Variants in PC observed in about 807,000 individuals in gnomAD.
PC encodes the protein pyruvate carboxylase, mitochondrial.
A neutral mutation model predicts 107.8 loss-of-function variants in PC; 46 were observed. That is an observed-to-expected ratio of 0.43 (90% CI 0.34 to 0.55). The LOEUF is 0.55. Ranked by LOEUF, PC falls within the 20% of genes least tolerant of loss-of-function variation. The pLI is 0.04. For synonymous variants in PC, 662 were observed against 684.7 expected, an observed-to-expected ratio of 0.97 and a Z score of 0.52; for missense variants, 1,241 against 1,643.1, an observed-to-expected ratio of 0.76 and a Z score of 4.23.
chr11:66,882,842 C>T (rs915139758), intron 3 of PC, among the ~76,000 whole-genome samples: 1 of 152,190 alleles, frequency 6.6e-6, no homozygotes, highest in Non-Finnish European at 1.5e-5. Flanking sequence ...GATGAAAGAA[C>T]GACTCCACCT....
Position 66,870,212 on chromosome 11 carries a change from G to C in PC, c.903+90C>G. On this transcript the variant is annotated intron_variant, in intron 9 of 22. Transcript: ENST00000393960. This position sits in a 1 kb window ranked among gnomAD's most constrained non-coding sequence, Gnocchi z 6.1. ...TCCCCAGTCCCCAGAAGGGGACTCAGGGTCCCCTTCCCCAACCAGCGCCCC... is the reference window on the plus strand; with the variant it reads ...TCCCCAGTCCCCAGAAGGGGACTCACGGTCCCCTTCCCCAACCAGCGCCCC... The C allele has an allele frequency of 1.3e-6, 2 of 1,518,014 alleles. No individual in the cohort carries two copies. Among genetic ancestry groups the C allele is most frequent in the East Asian group, 4.5e-5 (2 of 44,220 alleles). The allele number at this position is 1,518,014 out of a possible 1,614,324, so 94.0% of individuals were successfully genotyped here.
chr11:66,923,253 T>C (rs981602585), intron 3 of PC, among the ~76,000 whole-genome samples: 4 of 151,556 alleles, frequency 2.6e-5, no homozygotes, highest in African/African-American at 9.7e-5. Context: ...TCCCAGCTAC[T>C]AGGGAGGCTG....
chr11:66,926,436 G>C lies in PC; in HGVS notation c.-1+25994C>G, dbSNP rs17147991. On this transcript the variant is annotated intron_variant, in intron 3 of 22. Transcript: ENST00000393960. ...AAGCTTATCAGACTTTGAAAGTAAG[G>C]CTTACCATTATCAATGATCACAAAA... is the stretch of plus-strand genomic sequence containing the variant. Among the ~76,000 whole-genome samples, 1,251 of 152,240 alleles carry C rather than the reference G, an allele frequency of 8.2e-3. 10 individuals are homozygous for C. The highest frequency in any genetic ancestry group is 0.016 in the South Asian group (79 of 4,824).
At chr11:66,912,859 C>T (rs1484407218) in intron 3 of PC, among the ~76,000 whole-genome samples, 1 of 152,148 alleles carries the variant, frequency 6.6e-6, no homozygotes, top group Admixed American at 6.5e-5. Flanking sequence ...CCAACAATTC[C>T]CACCACATTC....
intron 10 of PC, among the ~76,000 whole-genome samples, chr11:66,867,504 C>T (rs1396348932): frequency 6.6e-6 from 1 of 152,232 alleles, no homozygotes; most frequent in Admixed American, 6.5e-5. Context: ...CACTTCGCAG[C>T]AGAGATGACA....
chr11:66,942,787 C>T (rs147710294), intron 3 of PC, among the ~76,000 whole-genome samples: 3,312 of 151,874 alleles, frequency 0.022, 111 homozygotes, highest in African/African-American at 0.074. Context: ...CCGAGGCGGG[C>T]GGATCACCTG....
At chr11:66,920,802 T>C (rs1948575851) in intron 3 of PC, among the ~76,000 whole-genome samples, 1 of 151,892 alleles carries the variant, frequency 6.6e-6, no homozygotes, top group Admixed American at 6.6e-5. Context: ...CCCAACACTT[T>C]GGGAGGCCGA....
intron 3 of PC, among the ~76,000 whole-genome samples, chr11:66,899,805 G>A (rs939412428): frequency 1.1e-4 from 17 of 152,156 alleles, no homozygotes; most frequent in Admixed American, 3.9e-4. Flanking sequence ...GTGCTTTGGC[G>A]TCGTATCTAA....
intron 3 of PC, chr11:66,907,869 A>T (rs977314269): frequency 1.3e-5 from 2 of 152,334 alleles, no homozygotes; most frequent in Non-Finnish European, 2.9e-5. Context: ...TGTTCCTGTA[A>T]CACCCAAGTC....
chr11:66,859,811 C>T (rs949204233), intron 12 of PC: 2 of 1,586,168 alleles, frequency 1.3e-6, no homozygotes, highest in African/African-American at 2.7e-5. Context: ...TGTGCCACGC[C>T]CTGCAGGCCC....
rs1945463615 is a variant in PC, at chr11:66,851,103, C to T, written c.2160G>A (p.Leu720=). ...CTTCGGCCAAGCCCATGTAGTACTG[C>T]AGTGAGTACTTGGTGCGGCTGGGGT... ...VADPSRTKYS[L]QYYMGLAEEL... Residue 720 remains leucine, a synonymous_variant, in exon 17 of 23, where the codon CTG becomes CTA. Coordinates refer to ENST00000393960, the MANE Select transcript of PC (RefSeq NM_001040716.2). 6.2e-7 allele frequency: 1 copy of T among 1,613,316 alleles called. No individual in the cohort carries two copies.
At chr11:66,935,748 A>G (rs1948983221) in intron 3 of PC, among the ~76,000 whole-genome samples, 4 of 152,164 alleles carry the variant, frequency 2.6e-5, no homozygotes, top group Admixed American at 2.6e-4. Flanking sequence ...TGTCATCCAT[A>G]AGCAGCAAAA....
intron 3 of PC, among the ~76,000 whole-genome samples, chr11:66,920,562 G>A (rs1948569553): frequency 2.0e-5 from 3 of 152,100 alleles, no homozygotes. Flanking sequence ...AGGACAGAGA[G>A]CCAACCCTAT....
At chr11:66,936,094 A>C (rs1162351192) in intron 3 of PC, among the ~76,000 whole-genome samples, 3 of 151,488 alleles carry the variant, frequency 2.0e-5, no homozygotes, top group Non-Finnish European at 4.4e-5. Context: ...AAAAAAAAAA[A>C]AAAATCAGCT....
intron 3 of PC, among the ~76,000 whole-genome samples, chr11:66,902,483 C>G (rs1355549288): frequency 6.6e-6 from 1 of 152,200 alleles, no homozygotes; most frequent in East Asian, 1.9e-4. Context: ...GAACAGCTTG[C>G]CTATGGTCTC....
At chr11:66,928,537 A>T (rs1302927569) in intron 3 of PC, among the ~76,000 whole-genome samples, 1 of 151,504 alleles carries the variant, frequency 6.6e-6, no homozygotes, top group East Asian at 1.9e-4. Flanking sequence ...TATTATTATT[A>T]TTTTTGAGAC....
Position 66,849,162 on chromosome 11 carries a change from C to G in PC, c.3289-15G>C. The G allele has an allele frequency of 6.2e-7, 1 of 1,613,780 alleles. No individual in the cohort carries two copies. The highest frequency in any genetic ancestry group is 8.5e-7 in the Non-Finnish European group (1 of 1,180,034). On this transcript the variant is annotated splice_polypyrimidine_tract_variant and intron_variant, in intron 22 of 22. Coordinates refer to ENST00000393960, the MANE Select transcript of PC (RefSeq NM_001040716.2). ...AAGTGCATCTCCTGAAGACACAGGG[C>G]AGAGGGGACATGACATCCTGGGCCC...
intron 12 of PC, among the ~76,000 whole-genome samples, chr11:66,861,882 C>T (rs374872855): frequency 1.1e-4 from 16 of 152,236 alleles, no homozygotes; most frequent in African/African-American, 3.6e-4. Flanking sequence ...AAGATCTTTC[C>T]GGGCCCTCCA....
chr11:66,855,418 G>T (rs549704386), intron 12 of PC, among the ~76,000 whole-genome samples: 1 of 152,292 alleles, frequency 6.6e-6, no homozygotes, highest in African/African-American at 2.4e-5. Flanking sequence ...TGGTTAATGC[G>T]ATTCTCGTGC....
Sources: allele counts gnomAD v4.1 joint callset (sites outside exome capture counted in the v4.1 genomes callset), GRCh38; gene constraint gnomAD v4.1.1; non-coding constraint Gnocchi (gnomAD v3.1); transcripts MANE v1.5; gene names NCBI Gene and HGNC (gene_info 2026-07-23, HGNC 2026-07-21).